The following MAN1A1 variants were observed in gnomAD, a reference collection of about 807,000 sequenced individuals.
The protein encoded by MAN1A1 is mannosidase alpha class 1A member 1, also known as mannosyl-oligosaccharide 1,2-alpha-mannosidase IA.
A neutral mutation model predicts 70.8 loss-of-function variants in MAN1A1; 29 were observed. That is an observed-to-expected ratio of 0.41 (90% CI 0.31 to 0.56). The LOEUF is 0.56. Among genes scored for constraint, MAN1A1 ranks in the 20% least tolerant of loss-of-function variants. MAN1A1 has a pLI of 0.29. For synonymous variants in MAN1A1, 349 were observed against 330.1 expected, an observed-to-expected ratio of 1.06 and a Z score of -0.62; for missense variants, 747 against 841.3, an observed-to-expected ratio of 0.89 and a Z score of 1.39.
chr6:119,300,661 T>C (rs1382380697), intron 4 of MAN1A1, among the ~76,000 whole-genome samples: 1 of 152,200 alleles, frequency 6.6e-6, no homozygotes, highest in Admixed American at 6.5e-5. Flanking sequence ...CACAGGTCAT[T>C]CTAATCAAAT....
At chr6:119,184,335 A>G (rs1442428238) in intron 11 of MAN1A1, among the ~76,000 whole-genome samples, 1 of 152,250 alleles carries the variant, frequency 6.6e-6, no homozygotes, top group Non-Finnish European at 1.5e-5. Context: ...GGATATGAGA[A>G]TGTTTATAAT....
At chr6:119,222,262 C>G (rs1774383402) in intron 6 of MAN1A1, among the ~76,000 whole-genome samples, 1 of 151,472 alleles carries the variant, frequency 6.6e-6, no homozygotes, top group Non-Finnish European at 1.5e-5. Context: ...CTAATAAACA[C>G]CCTGAAGTGT....
intron 2 of MAN1A1, among the ~76,000 whole-genome samples, chr6:119,310,018 T>A (rs772286768): frequency 3.9e-5 from 6 of 152,222 alleles, no homozygotes; most frequent in Non-Finnish European, 8.8e-5. Flanking sequence ...TCATTGATAA[T>A]GTATGGAAAC....
intron 9 of MAN1A1, among the ~76,000 whole-genome samples, chr6:119,191,918 A>C (rs1490903045): frequency 6.6e-6 from 1 of 152,218 alleles, no homozygotes; most frequent in Admixed American, 6.5e-5. Flanking sequence ...TTGCTGTATA[A>C]GACAATGCTA....
chr6:119,220,516 T>C (rs561622063), intron 6 of MAN1A1, among the ~76,000 whole-genome samples: 1 of 152,290 alleles, frequency 6.6e-6, no homozygotes, highest in Admixed American at 6.5e-5. Flanking sequence ...GTAATCCACA[T>C]TAAAAAAATA....
At chr6:119,198,093 A>G (rs990203344) in intron 8 of MAN1A1, among the ~76,000 whole-genome samples, 3 of 152,240 alleles carry the variant, frequency 2.0e-5, no homozygotes, top group African/African-American at 7.2e-5. Context: ...CCTTATACTT[A>G]GAAAAATATA....
At chr6:119,349,981 G>A (rs933386498), upstream of MAN1A1, among the ~76,000 whole-genome samples, 1 of 152,126 alleles carries the variant, frequency 6.6e-6, no homozygotes, top group Non-Finnish European at 1.5e-5. Context: ...CGAGGTAGGC[G>A]GGAGCCGCGG....
At chr6:119,288,947 G>A (rs1319123574) in intron 5 of MAN1A1, among the ~76,000 whole-genome samples, 1 of 151,700 alleles carries the variant, frequency 6.6e-6, no homozygotes, top group Non-Finnish European at 1.5e-5. Flanking sequence ...CAATGGAAGT[G>A]TTCTTTGTAG....
At chr6:119,193,338 G>A (rs1488429768) in intron 9 of MAN1A1, among the ~76,000 whole-genome samples, 1 of 152,152 alleles carries the variant, frequency 6.6e-6, no homozygotes, top group Non-Finnish European at 1.5e-5. Context: ...AGATTTTTAT[G>A]TGTGGATTTC....
chr6:119,184,890 T>A (rs1315810322), intron 11 of MAN1A1, among the ~76,000 whole-genome samples: 1 of 151,482 alleles, frequency 6.6e-6, no homozygotes, highest in Non-Finnish European at 1.5e-5. Context: ...TTCTCATGAT[T>A]TTTTTTTTTA....
chr6:119,269,980 G>A lies in MAN1A1; in HGVS notation c.897+20703C>T, dbSNP rs184856146. ...ATGGCTTGAACTTATCAATTTAAAC[G>A]TACTTAGTGGATTTTAATCTATTAT... On this transcript the variant is annotated intron_variant, in intron 5 of 12. Transcript: ENST00000368468. Among the ~76,000 whole-genome samples, 74 of 152,188 alleles carry A rather than the reference G, an allele frequency of 4.9e-4. 1 individual carries two copies. Among genetic ancestry groups the A allele is most frequent in the South Asian group, 4.4e-3 (21 of 4,816 alleles).
intron 8 of MAN1A1, 46 bp downstream of exon 8, chr6:119,201,208 G>A (rs1024159620): frequency 1.4e-5 from 20 of 1,386,546 alleles, no homozygotes; most frequent in Middle Eastern, 1.8e-4. Context: ...CTCTCCACGA[G>A]TACAGTACCA....
At chr6:119,204,453 C>T (rs1010238998) in intron 7 of MAN1A1, among the ~76,000 whole-genome samples, 9 of 152,274 alleles carry the variant, frequency 5.9e-5, no homozygotes, top group African/African-American at 2.2e-4. Flanking sequence ...TTGGCTCATG[C>T]AGTGCATTTA....
intron 5 of MAN1A1, among the ~76,000 whole-genome samples, chr6:119,248,755 G>C (rs1212330780): frequency 6.6e-6 from 1 of 152,192 alleles, no homozygotes; most frequent in Non-Finnish European, 1.5e-5. Flanking sequence ...GACCCGGACT[G>C]AGAACCAGGA....
intron 5 of MAN1A1, among the ~76,000 whole-genome samples, chr6:119,258,788 A>G (rs183271297): frequency 1.3e-5 from 2 of 152,242 alleles, no homozygotes; most frequent in Admixed American, 6.5e-5. Flanking sequence ...GATTCGGTGA[A>G]ATGTAGAATG....
At chr6:119,257,943 A>AT (rs1275550298) in intron 5 of MAN1A1, among the ~76,000 whole-genome samples, 5 of 152,240 alleles carry the variant, frequency 3.3e-5, no homozygotes, top group Non-Finnish European at 7.4e-5. Flanking sequence ...CATGACATTT[A>AT]GAAAAATATG....
intron 6 of MAN1A1, among the ~76,000 whole-genome samples, chr6:119,224,955 C>T (rs957834749): frequency 3.3e-5 from 5 of 151,876 alleles, no homozygotes; most frequent in East Asian, 1.9e-4. Flanking sequence ...GGTGAAATCC[C>T]GTCTCTACTA....
At chr6:119,335,737 T>C (rs936127063) in intron 2 of MAN1A1, among the ~76,000 whole-genome samples, 2 of 152,300 alleles carry the variant, frequency 1.3e-5, no homozygotes, top group South Asian at 4.1e-4. Context: ...GTGAGAAGAC[T>C]CTCCTTTTGA....
At chr6:119,265,294 T>C (rs1485605552) in intron 5 of MAN1A1, among the ~76,000 whole-genome samples, 7 of 152,024 alleles carry the variant, frequency 4.6e-5, no homozygotes, top group Non-Finnish European at 8.8e-5. Flanking sequence ...AGACATGGTC[T>C]TGTTTTGTTA....
Sources: gnomAD v4.1 joint callset for allele counts (sites outside exome capture counted in the v4.1 genomes callset) on GRCh38, gnomAD v4.1.1 for gene constraint, MANE v1.5 for transcripts, NCBI Gene and HGNC (gene_info 2026-07-23, HGNC 2026-07-21) for gene names.